Variants in CHN2 observed in about 807,000 individuals in gnomAD.
CHN2 encodes the protein beta-chimaerin.
A neutral mutation model predicts 56.3 loss-of-function variants in CHN2; 35 were observed. That is an observed-to-expected ratio of 0.62 (90% CI 0.47 to 0.82). The LOEUF (loss-of-function observed/expected upper bound fraction) is 0.82. CHN2 is among the 40% of genes least tolerant of loss of function. The pLI, the probability that CHN2 is intolerant of heterozygous loss-of-function variation, is 0.00. For missense variants in CHN2, 491 were observed against 580.5 expected, an observed-to-expected ratio of 0.85 and a Z score of 1.58; for synonymous variants, 210 against 212.8, an observed-to-expected ratio of 0.99 and a Z score of 0.12.
rs1346504895 is a variant in CHN2, at chr7:29,367,951, G to A, written c.108G>A (p.Glu36=). The change falls in exon 3 of 13, where the codon GAG becomes GAA. Residue 36 remains glutamate, a synonymous_variant. Transcript: ENST00000222792. ...WKSYLYQLQQ[E]APRPKRIICP... ...TGGCAGTATATCAGTTACAGCAAGA[G>A]GCACCTCGTCCCAAGAGAATCATTT... is the stretch of plus-strand genomic sequence containing the variant. The A allele has an allele frequency of 1.2e-6, 2 of 1,610,954 alleles. No homozygotes were observed. Among genetic ancestry groups the A allele is most frequent in the Admixed American group, 3.4e-5 (2 of 59,494 alleles).
intron 6 of CHN2, among the ~76,000 whole-genome samples, chr7:29,479,344 G>C (rs1211638951): frequency 2.0e-5 from 3 of 152,174 alleles, no homozygotes; most frequent in East Asian, 1.9e-4. Context: ...GTGTGGGTTT[G>C]AGCAGAGTTT....
At chr7:29,154,152 C>T (rs1794016501) in intron 2 of CHN2, among the ~76,000 whole-genome samples, 1 of 152,158 alleles carries the variant, frequency 6.6e-6, no homozygotes, top group African/African-American at 2.4e-5. Context: ...CTCATTTATT[C>T]TGACAGTTGC....
At chr7:29,268,021 ACT>A (rs1790284211) in intron 1 of CHN2, among the ~76,000 whole-genome samples, 2 of 152,188 alleles carry the variant, frequency 1.3e-5, no homozygotes, top group Non-Finnish European at 2.9e-5. Flanking sequence ...AATATTTTAT[ACT>A]GAAACCTTTT....
At chr7:29,307,688 C>T (rs1333043625) in intron 1 of CHN2, among the ~76,000 whole-genome samples, 3 of 152,070 alleles carry the variant, frequency 2.0e-5, no homozygotes, top group Non-Finnish European at 2.9e-5. Context: ...AGGAAGGGAC[C>T]AGGAGTCAAG....
chr7:29,166,041 G>C (rs1795866984), intron 2 of CHN2, among the ~76,000 whole-genome samples: 1 of 152,084 alleles, frequency 6.6e-6, no homozygotes, highest in African/African-American at 2.4e-5. Flanking sequence ...TTGTTTGTCT[G>C]TTTGTTTTTA....
chr7:29,328,354 C>T (rs1795963829), intron 1 of CHN2, among the ~76,000 whole-genome samples: 1 of 151,824 alleles, frequency 6.6e-6, no homozygotes, highest in African/African-American at 2.4e-5. Flanking sequence ...TTTTCTTTCC[C>T]CTTAGTCTCA....
At chr7:29,265,153 C>G (rs570365192) in intron 1 of CHN2, among the ~76,000 whole-genome samples, 1 of 152,272 alleles carries the variant, frequency 6.6e-6, no homozygotes, top group South Asian at 2.1e-4. Context: ...TGGCTATTTC[C>G]CAGCACAGTC....
intron 3 of CHN2, among the ~76,000 whole-genome samples, chr7:29,373,802 T>C (rs1373989656): frequency 6.6e-6 from 1 of 152,228 alleles, no homozygotes; most frequent in African/African-American, 2.4e-5. Flanking sequence ...CCATATTGAT[T>C]GACCATATCA....
intron 3 of CHN2, among the ~76,000 whole-genome samples, chr7:29,381,836 A>AAAAAAAAAAAAAAAAG (rs1800537475): frequency 7.0e-6 from 1 of 142,958 alleles, no homozygotes; most frequent in Admixed American, 6.9e-5. Flanking sequence ...AAAAAAAAAA[A>AAAAAAAAAAAAAAAAG]GCAGGGCCTA....
In CHN2 at chr7:29,219,021, G is replaced by A. The variant is rs531732040; in HGVS notation, c.49+24031G>A. ...GGTTCTAATACAGACAAGAAGTTTA[G>A]GCTGTTTTAAATGTGGGCAGGCTCT... On this transcript the variant is annotated intron_variant, in intron 1 of 12. Coordinates refer to ENST00000222792, the MANE Select transcript of CHN2 (RefSeq NM_004067.4). 2.0e-5 allele frequency among the ~76,000 whole-genome samples: 3 copies of A among 152,256 alleles called. No homozygotes were observed. In the South Asian group the frequency reaches 6.2e-4, roughly 32 times the overall value.
At chr7:29,321,949 C>A (rs1795395538) in intron 1 of CHN2, among the ~76,000 whole-genome samples, 1 of 152,200 alleles carries the variant, frequency 6.6e-6, no homozygotes, top group African/African-American at 2.4e-5. Flanking sequence ...GTCAGAGAGA[C>A]ATTTGCCAAT....
chr7:29,474,350 T>C (rs1786411934), intron 6 of CHN2, among the ~76,000 whole-genome samples: 1 of 152,230 alleles, frequency 6.6e-6, no homozygotes, highest in South Asian at 2.1e-4. Context: ...TCTGTATCTC[T>C]ATATCTATCC....
chr7:29,269,017 T>C (rs245995), intron 1 of CHN2, among the ~76,000 whole-genome samples: 2 of 152,354 alleles, frequency 1.3e-5, no homozygotes, highest in Admixed American at 1.3e-4. Flanking sequence ...ATCAAGGTAA[T>C]TGGGATATTC....
At chr7:29,445,435 A>G (rs534110046) in intron 6 of CHN2, among the ~76,000 whole-genome samples, 14 of 152,306 alleles carry the variant, frequency 9.2e-5, no homozygotes, top group Admixed American at 7.2e-4. Flanking sequence ...TTTTATTACC[A>G]TGATTTGCAT....
chr7:29,252,585 T>TTTTTTTTTTTTTTTTG (rs1788686859), intron 1 of CHN2, among the ~76,000 whole-genome samples: 1 of 23,092 alleles, frequency 4.3e-5, no homozygotes, highest in Non-Finnish European at 6.9e-5. Flanking sequence ...TTTGTTTTTT[T>TTTTTTTTTTTTTTTTG]TTTTTTTTTT....
Position 29,483,999 on chromosome 7 carries a change from A to G in CHN2, c.654+3643A>G, listed in dbSNP as rs977697774. The G allele has an allele frequency of 9.2e-6, 6 of 649,034 alleles. No homozygotes were observed. In the African/African-American group the frequency reaches 9.4e-5, roughly 10 times the overall value. 40.2% of individuals were successfully genotyped at this position (649,034 alleles called of 1,614,324 possible). A position where few individuals can be genotyped will look rare whatever the true frequency, so the allele number is the denominator to read the frequency against. ...CAGTAAGTATTCATTTGATGTTAGC[A>G]TCTATTATTATCTTTTTGTGCCTCT... On this transcript the variant is annotated intron_variant, in intron 7 of 12. Transcript: ENST00000222792.
chr7:29,204,763 C>T (rs557562184), intron 1 of CHN2, among the ~76,000 whole-genome samples: 11 of 152,100 alleles, frequency 7.2e-5, no homozygotes, highest in African/African-American at 1.4e-4. Context: ...CAGGAGAGCC[C>T]GAGTCCTATG....
At chr7:29,324,258 T>C (rs1322889258) in intron 1 of CHN2, among the ~76,000 whole-genome samples, 4 of 152,222 alleles carry the variant, frequency 2.6e-5, no homozygotes, top group African/African-American at 7.2e-5. Flanking sequence ...TCTGGAATCA[T>C]GGCTGATAAT....
intron 1 of CHN2, among the ~76,000 whole-genome samples, chr7:29,239,440 G>A (rs1313090049): frequency 6.6e-6 from 1 of 152,146 alleles, no homozygotes; most frequent in African/African-American, 2.4e-5. Flanking sequence ...GTGTCAAATA[G>A]GCAGTTGGAT....
Sources: gnomAD v4.1 joint callset for allele counts (sites outside exome capture counted in the v4.1 genomes callset) on GRCh38, gnomAD v4.1.1 for gene constraint, MANE v1.5 for transcripts, NCBI Gene and HGNC (gene_info 2026-07-23, HGNC 2026-07-21) for gene names.